BIRC6: variants seen among roughly 807,000 people sequenced by gnomAD.
BIRC6 encodes baculoviral IAP repeat containing 6.
In BIRC6, 98 loss-of-function variants were observed where a neutral mutation model predicts 503.3. That is an observed-to-expected ratio of 0.19 (90% CI 0.17 to 0.23). BIRC6 has a LOEUF of 0.23. BIRC6 is among the 10% of genes least tolerant of loss of function. The pLI is 1.00. For synonymous variants in BIRC6, 2,240 were observed against 2,078.7 expected (o/e 1.08, Z -2.11); for missense variants, 5,360 against 5,806.0 (o/e 0.92, Z 2.50).
chr2:32,519,850 C>T (rs1016938554), intron 57 of BIRC6, among the ~76,000 whole-genome samples: 6 of 152,168 alleles, frequency 3.9e-5, no homozygotes, highest in Non-Finnish European at 8.8e-5. Context: ...AGTGTATTGC[C>T]ACTGTGAAAT....
intron 49 of BIRC6, 93 bp downstream of exon 49, chr2:32,503,329 T>A: frequency 1.0e-6 from 1 of 983,942 alleles, no homozygotes; most frequent in Non-Finnish European, 1.5e-6. Flanking sequence ...TTGATGATGT[T>A]ATATATCACT....
In BIRC6 at chr2:32,470,949, A is replaced by G. The variant is rs1164770419; in HGVS notation, c.6482-65A>G. ...TAGAATGTTTTGTTTCACTTATATT[A>G]TCAGATCTAATTAGGAATCCTAAAG... is the stretch of plus-strand genomic sequence containing the variant. On this transcript the variant is annotated intron_variant, in intron 31 of 73. Coordinates refer to ENST00000421745, the MANE Select transcript of BIRC6 (RefSeq NM_016252.4). 5.4e-6 allele frequency: 8 copies of G among 1,479,744 alleles called. No individual in the cohort carries two copies. In the Admixed American group the frequency reaches 1.0e-4, roughly 19 times the overall value. The allele number at this position is 1,479,744 out of a possible 1,614,324, so 91.7% of individuals were successfully genotyped here. A position where few individuals can be genotyped will look rare whatever the true frequency, so the allele number is the denominator to read the frequency against.
At chr2:32,424,610 G>C (rs2043282944) in intron 10 of BIRC6, among the ~76,000 whole-genome samples, 1 of 151,726 alleles carries the variant, frequency 6.6e-6, no homozygotes, top group Non-Finnish European at 1.5e-5. Flanking sequence ...TGCCTCCCCG[G>C]CTCTAGTGAG....
At chr2:32,554,174 T>C (rs190801784) in intron 65 of BIRC6, among the ~76,000 whole-genome samples, 1 of 152,326 alleles carries the variant, frequency 6.6e-6, no homozygotes, top group African/African-American at 2.4e-5. Context: ...GAAGAGAGCA[T>C]ATTAAGTCTC....
At position 32,357,414 on chromosome 2, in the gene BIRC6, G is replaced by A; in HGVS notation, c.253G>A (p.Val85Ile). ...YHPALNAILAVTSRGTIKVID... is the reference protein window; with the variant it reads ...YHPALNAILAITSRGTIKVID... ...CCCTGCGCTCAACGCCATCCTGGCC[G>A]TCACTAGCCGCGGGACCATCAAAGT... The change falls in exon 1 of 74, where the codon GTC becomes ATC. Residue 85 changes from valine (V) to isoleucine (I), a missense_variant. Transcript: ENST00000421745. This position sits in a 1 kb window ranked among gnomAD's most constrained non-coding sequence, Gnocchi z 4.9. The A allele has an allele frequency of 6.5e-7, 1 of 1,549,586 alleles. No individual in the cohort carries two copies. The highest frequency in any genetic ancestry group is 1.2e-5 in the South Asian group (1 of 83,956).
chr2:32,531,573 G>A (rs755942371), intron 61 of BIRC6, 22 bp downstream of exon 61: 14 of 1,573,464 alleles, frequency 8.9e-6, no homozygotes, highest in African/African-American at 1.3e-5. Context: ...TTTCCTAATC[G>A]AGTATATCAT....
chr2:32,525,135 A>G, intron 58 of BIRC6, 116 bp downstream of exon 58: 1 of 945,920 alleles, frequency 1.1e-6, no homozygotes, highest in Non-Finnish European at 1.5e-6. Flanking sequence ...CTGACTCGTA[A>G]TGATGTTTTA....
chr2:32,425,091 C>T (rs1019466114), intron 10 of BIRC6, among the ~76,000 whole-genome samples: 1 of 92,406 alleles, frequency 1.1e-5, no homozygotes. Flanking sequence ...TCCTTGTCCA[C>T]TTTTGAATTT....
At chr2:32,435,850 G>C (rs927280014) in intron 14 of BIRC6, among the ~76,000 whole-genome samples, 1 of 152,132 alleles carries the variant, frequency 6.6e-6, no homozygotes, top group African/African-American at 2.4e-5. Flanking sequence ...AAATAAAGGT[G>C]AACTGTAAAA....
chr2:32,510,474 A>G (rs1472343936), intron 52 of BIRC6, 52 bp from the exon 53 acceptor site: 2 of 1,047,754 alleles, frequency 1.9e-6, no homozygotes, highest in South Asian at 2.7e-5. Context: ...AAATCTTCCC[A>G]TGGTTAACTT....
At chr2:32,381,487 G>A (rs2037643572) in intron 3 of BIRC6, among the ~76,000 whole-genome samples, 1 of 151,020 alleles carries the variant, frequency 6.6e-6, no homozygotes, top group Non-Finnish European at 1.5e-5. Context: ...TGATCTGCCT[G>A]CCTTGGCCTC....
rs2052937689 is a variant in BIRC6 at position 32,499,790 on chromosome 2, T to C, written c.8712T>C (p.Gly2904=). Residue 2904 remains glycine (G), a synonymous_variant, in exon 46 of 74, where the codon GGT becomes GGC. Transcript: ENST00000421745. The part of the protein sequence containing the change: ...GGLFANLIRP[G]DAKAVCGEMT... ...TCTTTGCCAATCTTATTCGTCCGGG[T>C]GATGCAAAAGCAGTTTGTGGCGAAA... 2 of 1,613,978 alleles carry C rather than the reference T, an allele frequency of 1.2e-6. No individual in the cohort carries two copies. Among genetic ancestry groups the C allele is most frequent in the Non-Finnish European group, 1.7e-6 (2 of 1,179,876 alleles).
chr2:32,545,734 T>G lies in BIRC6; in HGVS notation c.12684T>G (p.Thr4228=). Residue 4228 remains threonine (T), a synonymous_variant, in exon 63 of 74, where the codon ACT becomes ACG. Transcript: ENST00000421745. Reference sequence around the variant, plus strand: ...TGTTTAGCACTACACCTTTGACAACTGATGATGGTGTACTTCTAAGGCGGA... The same window carrying G: ...TGTTTAGCACTACACCTTTGACAACGGATGATGGTGTACTTCTAAGGCGGA... ...RSLFSTTPLT[T]DDGVLLRRMA... The G allele has an allele frequency of 6.2e-7, 1 of 1,613,936 alleles. No homozygotes were observed. The highest frequency in any genetic ancestry group is 8.5e-7 in the Non-Finnish European group (1 of 1,179,832).
chr2:32,381,337 T>A (rs2037613686), intron 3 of BIRC6, among the ~76,000 whole-genome samples: 1 of 152,146 alleles, frequency 6.6e-6, no homozygotes, highest in African/African-American at 2.4e-5. Context: ...CCTCCCGGGT[T>A]CAAGTGATTC....
At chr2:32,555,515 G>T (rs1017714910) in intron 65 of BIRC6, among the ~76,000 whole-genome samples, 12 of 152,040 alleles carry the variant, frequency 7.9e-5, no homozygotes, top group Non-Finnish European at 1.6e-4. Flanking sequence ...GCGCATGCCT[G>T]TAATCCCAGC....
At chr2:32,410,912 G>T (rs7571038) in intron 9 of BIRC6, among the ~76,000 whole-genome samples, 3,325 of 152,150 alleles carry the variant, frequency 0.022, 110 homozygotes, top group African/African-American at 0.077. Context: ...GTGTTAGCCA[G>T]GATGGTCTTG....
intron 61 of BIRC6, among the ~76,000 whole-genome samples, chr2:32,542,293 A>C (rs1287350333): frequency 6.6e-6 from 1 of 152,054 alleles, no homozygotes; most frequent in African/African-American, 2.4e-5. Flanking sequence ...TCTAGTACTG[A>C]GGAAGAGTAG....
Position 32,515,777 on chromosome 2 carries a change from C to CA in BIRC6, c.11349+14dup, listed in dbSNP as rs1417788734. On this transcript the variant is annotated splice_region_variant and intron_variant, in intron 55 of 73. Coordinates refer to ENST00000421745, the MANE Select transcript of BIRC6 (RefSeq NM_016252.4). ...TCAAAAGCTGATGGCACAGGTAAGA[C>CA]AAAAAAATAACTTACATTTTAGTTG... 2 of 1,577,030 alleles carry CA rather than the reference C, an allele frequency of 1.3e-6. No individual in the cohort carries two copies. Among genetic ancestry groups the CA allele is most frequent in the African/African-American group, 1.4e-5 (1 of 73,468 alleles).
intron 23 of BIRC6, among the ~76,000 whole-genome samples, chr2:32,460,479 G>A (rs1432581733): frequency 6.6e-6 from 1 of 151,192 alleles, no homozygotes; most frequent in Non-Finnish European, 1.5e-5. Flanking sequence ...GTTTTGCCAT[G>A]TTGGTCAGGC....
Sources: allele counts gnomAD v4.1 joint callset (sites outside exome capture counted in the v4.1 genomes callset), GRCh38; gene constraint gnomAD v4.1.1; non-coding constraint Gnocchi (gnomAD v3.1); transcripts MANE v1.5; gene names NCBI Gene and HGNC (gene_info 2026-07-23, HGNC 2026-07-21).